ARID1B: variants seen among roughly 807,000 people sequenced by gnomAD.
ARID1B encodes AT-rich interaction domain 1B.
ARID1B carries 30 observed loss-of-function variants against 212.3 expected under a neutral mutation model. The ratio of observed to expected loss-of-function variants is 0.14; its 90% confidence interval spans 0.11 to 0.19. The LOEUF is 0.19. Among genes scored for constraint, ARID1B ranks in the 10% least tolerant of loss-of-function variants. ARID1B has a pLI of 1.00. For synonymous variants in ARID1B, 1,402 were observed against 1,301.7 expected (o/e 1.08, Z -1.66); for missense variants, 2,891 against 3,204.0 (o/e 0.90, Z 2.36).
chr6:156,783,500 T>TA (rs1045270726), intron 1 of ARID1B, among the ~76,000 whole-genome samples: 10 of 152,292 alleles, frequency 6.6e-5, no homozygotes, highest in Non-Finnish European at 1.5e-4. Flanking sequence ...TATTTTTTAT[T>TA]AATAGACTTT....
At chr6:156,779,580 CGGGG>C in intron 1 of ARID1B, 109 bp downstream of exon 1, 1 of 1,098,562 alleles carries the variant, frequency 9.1e-7, no homozygotes, top group Non-Finnish European at 1.1e-6. Context: ...GCGGGGGCGG[CGGGG>C]GCGCGGCGCC....
intron 4 of ARID1B, among the ~76,000 whole-genome samples, chr6:156,994,632 C>T (rs577105231): frequency 1.3e-5 from 2 of 152,288 alleles, no homozygotes; most frequent in South Asian, 4.1e-4. Context: ...AGGGTGAACG[C>T]ACGCCCATTA....
At chr6:157,205,037 C>T (rs1455821079) in intron 19 of ARID1B, 1 of 152,158 alleles carries the variant, frequency 6.6e-6, no homozygotes, top group African/African-American at 2.4e-5. Context: ...CTGTATACTG[C>T]ATTTGCTAGA....
chr6:157,019,915 C>G (rs1780121638), intron 4 of ARID1B, among the ~76,000 whole-genome samples: 1 of 152,226 alleles, frequency 6.6e-6, no homozygotes, highest in South Asian at 2.1e-4. Flanking sequence ...CTGGACGACT[C>G]CTGTCTTCCC....
In ARID1B at chr6:156,778,402, A is replaced by G. The variant is rs1778843489; in HGVS notation, c.722A>G (p.Gln241Arg). 6.5e-7 allele frequency: 1 copy of G among 1,533,060 alleles called. No individual in the cohort carries two copies. The highest frequency in any genetic ancestry group is 8.7e-7 in the Non-Finnish European group (1 of 1,144,728). 95.0% of individuals were successfully genotyped at this position (1,533,060 alleles called of 1,614,324 possible). The change falls in exon 1 of 20, where the codon CAA (glutamine) becomes CGA (arginine). Residue 241 changes from glutamine (Q) to arginine (R), a missense_variant. Gln to Arg is a conservative substitution (Grantham distance 43). Around this residue, in one of 7 missense-constraint regions of ARID1B, gnomAD observed 1,643 missense variants for 1,544.0 expected, o/e 1.06. Coordinates refer to ENST00000636930, the MANE Select transcript of ARID1B (RefSeq NM_001374828.1). ...PQPGPDMEQP[Q>R]HGGAKDSAAG... is the part of the protein sequence containing the mutation. ...CCCGGCCCCGACATGGAGCAGCCGC[A>G]ACATGGAGGCGCCAAGGACAGTGCT...
At chr6:157,030,389 C>T (rs1001098500) in intron 4 of ARID1B, 1 of 152,212 alleles carries the variant, frequency 6.6e-6, no homozygotes, top group Non-Finnish European at 1.5e-5. Flanking sequence ...ATCATAAATC[C>T]AGTCCAGATT....
At chr6:156,949,142 A>G (rs984622882) in intron 4 of ARID1B, among the ~76,000 whole-genome samples, 7 of 152,168 alleles carry the variant, frequency 4.6e-5, no homozygotes, top group Non-Finnish European at 1.0e-4. Flanking sequence ...AGTAATGTTT[A>G]TGCTGGCTTT....
At chr6:156,838,919 A>G (rs1023741739) in intron 2 of ARID1B, among the ~76,000 whole-genome samples, 2 of 152,058 alleles carry the variant, frequency 1.3e-5, no homozygotes, top group East Asian at 1.9e-4. Flanking sequence ...TTCAATTAGT[A>G]TATTACCTTG....
chr6:156,961,158 A>G (rs1794345952), intron 4 of ARID1B, among the ~76,000 whole-genome samples: 1 of 152,222 alleles, frequency 6.6e-6, no homozygotes, highest in African/African-American at 2.4e-5. Flanking sequence ...AGAAGGGTGC[A>G]GCTCAGCATC....
chr6:157,090,516 A>G (rs1583289586), intron 5 of ARID1B, among the ~76,000 whole-genome samples: 1 of 152,388 alleles, frequency 6.6e-6, no homozygotes, highest in Admixed American at 6.5e-5. Flanking sequence ...TTAGGTCTTC[A>G]CGCTAGCACA....
At chr6:157,101,033 A>G (rs1192294027) in intron 5 of ARID1B, among the ~76,000 whole-genome samples, 1 of 152,254 alleles carries the variant, frequency 6.6e-6, no homozygotes, top group Non-Finnish European at 1.5e-5. Flanking sequence ...GATTTGAAAG[A>G]GAGCCGATTT....
chr6:156,843,397 T>G (rs925471221), intron 2 of ARID1B, among the ~76,000 whole-genome samples: 4 of 152,222 alleles, frequency 2.6e-5, no homozygotes, highest in Non-Finnish European at 4.4e-5. Flanking sequence ...ACATGTATTT[T>G]CAATGTCTAC....
At chr6:156,804,280 G>C (rs1780995074) in intron 1 of ARID1B, among the ~76,000 whole-genome samples, 1 of 150,134 alleles carries the variant, frequency 6.7e-6, no homozygotes, top group South Asian at 2.1e-4. Context: ...AGGTTGCAGT[G>C]AACTGAGATT....
intron 4 of ARID1B, among the ~76,000 whole-genome samples, chr6:157,036,161 G>A (rs1473122196): frequency 1.3e-5 from 2 of 152,120 alleles, no homozygotes; most frequent in South Asian, 2.1e-4. Flanking sequence ...CTTTACACAC[G>A]ACACTGAATA....
chr6:157,009,764 A>G (rs1244113011), intron 4 of ARID1B, among the ~76,000 whole-genome samples: 2 of 152,234 alleles, frequency 1.3e-5, no homozygotes, highest in Non-Finnish European at 2.9e-5. Flanking sequence ...TCTCTGTGCT[A>G]TATAGTTACT....
chr6:157,039,654 C>T lies in ARID1B; in HGVS notation c.2248-45008C>T, dbSNP rs150177047. On this transcript the variant is annotated intron_variant, in intron 4 of 19. Coordinates refer to ENST00000636930, the MANE Select transcript of ARID1B (RefSeq NM_001374828.1). ...CCTTCCTTCCTTCCTTCTTTCCTTCCTTCCTTCCTTCCTTCCTTCCTTCCT... is the reference window on the plus strand; with the variant it reads ...CCTTCCTTCCTTCCTTCTTTCCTTCTTTCCTTCCTTCCTTCCTTCCTTCCT... Among the ~76,000 whole-genome samples, 270 of 63,600 alleles carry T rather than the reference C, an allele frequency of 4.2e-3. 2 individuals are homozygous for T. The highest frequency in any genetic ancestry group is 0.015 in the African/African-American group (148 of 9,992). The allele number at this position is 63,600 out of a possible 152,430, so 41.7% of individuals were successfully genotyped here.
intron 1 of ARID1B, among the ~76,000 whole-genome samples, chr6:156,796,653 C>T (rs1453980679): frequency 2.0e-5 from 3 of 152,218 alleles, no homozygotes; most frequent in African/African-American, 7.2e-5. Context: ...TGCTCATGAG[C>T]TTCTCTCTGT....
intron 3 of ARID1B, among the ~76,000 whole-genome samples, chr6:156,909,918 A>G (rs552749070): frequency 2.0e-5 from 3 of 152,300 alleles, no homozygotes; most frequent in Admixed American, 6.5e-5. Flanking sequence ...CATCAGCTAC[A>G]GCTGAGGCTG....
intron 5 of ARID1B, among the ~76,000 whole-genome samples, chr6:157,087,997 G>A (rs762801258): frequency 4.6e-5 from 7 of 152,152 alleles, no homozygotes; most frequent in African/African-American, 9.7e-5. Flanking sequence ...ATGCTAGACC[G>A]CCTGCCTGCC....
Sources: allele counts gnomAD v4.1 joint callset (sites outside exome capture counted in the v4.1 genomes callset), GRCh38; gene constraint gnomAD v4.1.1; regional missense constraint gnomAD v4.1.1; transcripts MANE v1.5; gene names NCBI Gene and HGNC (gene_info 2026-07-23, HGNC 2026-07-21).